SERPINF2: variants seen among roughly 807,000 people sequenced by gnomAD.
SERPINF2 encodes serpin family F member 2, also known as alpha-2-antiplasmin.
SERPINF2 carries 15 observed loss-of-function variants against 45.0 expected under a neutral mutation model. That is an observed-to-expected ratio of 0.33 (90% CI 0.22 to 0.51). The LOEUF is 0.51. Among genes scored for constraint, SERPINF2 ranks in the 20% least tolerant of loss-of-function variants. The pLI is 0.97. For synonymous variants in SERPINF2, 283 were observed against 277.9 expected (o/e 1.02, Z -0.18); for missense variants, 518 against 637.4 (o/e 0.81, Z 2.02).
Position 1,754,528 on chromosome 17 carries a change from C to T in SERPINF2, c.1470C>T (p.Pro490=), listed in dbSNP as rs1906687191. ...MEEDYPQFGS[P]K is the part of the protein sequence containing the mutation. ...AGGATTACCCCCAGTTTGGCAGCCC[C>T]AAGTGAGGGGCCGTGGCTGTGGCAT... The change falls in exon 10 of 10, where the codon CCC becomes CCT. Residue 490 remains proline (P), a synonymous_variant. Transcript: ENST00000453066. 1 of 1,608,714 alleles carries T rather than the reference C, an allele frequency of 6.2e-7. No individual in the cohort carries two copies. Among genetic ancestry groups the T allele is most frequent in the Non-Finnish European group, 8.5e-7 (1 of 1,179,330 alleles).
At chr17:1,748,828 TG>T in intron 8 of SERPINF2, 88 bp downstream of exon 8, 1 of 809,104 alleles carries the variant, frequency 1.2e-6, no homozygotes, top group South Asian at 1.3e-5. Context: ...CAGGGATGGG[TG>T]GAGGCTGTCT....
At chr17:1,743,114 G>T in intron 1 of SERPINF2, 1 of 983,492 alleles carries the variant, frequency 1.0e-6, no homozygotes, top group Non-Finnish European at 1.2e-6. Context: ...TCTTGTGTGG[G>T]ATGGGGGTGG....
At chr17:1,744,946 G>A (rs1316316129) in intron 1 of SERPINF2, 46 bp from the exon 2 acceptor site, 2 of 1,612,328 alleles carry the variant, frequency 1.2e-6, no homozygotes, top group East Asian at 4.5e-5. Flanking sequence ...TCCCTGGCGG[G>A]CGTGGGGATG....
intron 8 of SERPINF2, among the ~76,000 whole-genome samples, chr17:1,749,802 A>G (rs993772508): frequency 1.3e-5 from 2 of 152,028 alleles, no homozygotes; most frequent in African/African-American, 4.8e-5. Flanking sequence ...ACAAGGGCCC[A>G]TGGACTTTGG....
At chr17:1,750,130 C>T (rs929113979) in intron 8 of SERPINF2, among the ~76,000 whole-genome samples, 5 of 151,732 alleles carry the variant, frequency 3.3e-5, no homozygotes, top group Non-Finnish European at 7.4e-5. Flanking sequence ...TGCACCACCA[C>T]GCCTGGCTAA....
chr17:1,744,600 A>T (rs1212218985), intron 1 of SERPINF2: 1 of 985,328 alleles, frequency 1.0e-6, no homozygotes, highest in African/African-American at 1.7e-5. Context: ...GGTAAGGCCA[A>T]GCCTGGTGGA....
intron 8 of SERPINF2, among the ~76,000 whole-genome samples, chr17:1,751,967 C>T (rs952074515): frequency 2.9e-5 from 4 of 138,624 alleles, no homozygotes; most frequent in African/African-American, 7.4e-5. Flanking sequence ...CGCCGGGTCA[C>T]ACGGCCAGCT....
chr17:1,748,812 C>T, intron 8 of SERPINF2, 72 bp downstream of exon 8: 2 of 851,284 alleles, frequency 2.3e-6, no homozygotes, highest in East Asian at 4.8e-5. Flanking sequence ...GGCTGTGGAG[C>T]AGGCACAGGG....
At position 1,754,714 on chromosome 17, in the gene SERPINF2, A is replaced by G; in HGVS notation, c.*180A>G. 1 of 678,404 alleles carries G rather than the reference A, an allele frequency of 1.5e-6. No homozygotes were observed. The highest frequency in any genetic ancestry group is 2.0e-5 in the South Asian group (1 of 50,140). The allele number at this position is 678,404 out of a possible 1,614,324, so 42.0% of individuals were successfully genotyped here. The stretch of plus-strand genomic sequence containing the variant: ...GGGGGGGCGCGGCTGGGAGGAGGGC[A>G]GGCATCGGGGAGCCGGGAGCCTGAC... On this transcript the variant is annotated 3_prime_UTR_variant, in exon 10 of 10. Coordinates refer to ENST00000453066, the MANE Select transcript of SERPINF2 (RefSeq NM_000934.4).
intron 8 of SERPINF2, among the ~76,000 whole-genome samples, chr17:1,750,946 C>G (rs1906338378): frequency 6.6e-6 from 1 of 152,208 alleles, no homozygotes; most frequent in African/African-American, 2.4e-5. Flanking sequence ...CTTCCTTCAT[C>G]CTTCGTCTCC....
rs752464909 is a variant in SERPINF2, at chr17:1,745,037, C to T, written c.42C>T (p.Cys14=). 3.7e-6 allele frequency: 6 copies of T among 1,613,530 alleles called. No individual in the cohort carries two copies. In the East Asian group the frequency reaches 1.1e-4, roughly 30 times the overall value. ...LWGLLVLSWS[C]LQGPCSVFSP... is the part of the protein sequence containing the mutation. ...GGCTCCTGGTGCTCAGCTGGTCCTG[C>T]CTGCAAGGCCCCTGCTCCGTGGTGA... The change falls in exon 2 of 10, where the codon TGC becomes TGT. Residue 14 remains cysteine, a synonymous_variant. Transcript: ENST00000453066. This position sits in a 1 kb window ranked among gnomAD's most constrained non-coding sequence, Gnocchi z 6.2.
chr17:1,743,162 CCCAAGATGGGGGTGG>C, intron 1 of SERPINF2: 6 of 944,268 alleles, frequency 6.4e-6, no homozygotes, highest in Non-Finnish European at 7.6e-6. Context: ...AAGGGTTGGC[CCCAAGATGGGGGTGG>C]GCTGGAGGTA....
At chr17:1,743,168 A>G (rs1597317951) in intron 1 of SERPINF2, 3 of 881,688 alleles carry the variant, frequency 3.4e-6, no homozygotes, top group Non-Finnish European at 4.1e-6. Flanking sequence ...TGGCCCCAAG[A>G]TGGGGGTGGG....
rs544521553 is a variant in SERPINF2, at chr17:1,754,991, C to T, written c.*457C>T. 1.0e-4 allele frequency: 20 copies of T among 192,858 alleles called. No homozygotes were observed. The highest frequency in any genetic ancestry group is 1.5e-4 in the East Asian group (1 of 6,618). The allele number at this position is 192,858 out of a possible 1,614,324, so 11.9% of individuals were successfully genotyped here. ...GGAGGCGAAGCGTTGTCCTCAGCCC[C>T]GCGTGGAACTCGTGTCTGGCACAGC... On this transcript the variant is annotated 3_prime_UTR_variant, in exon 10 of 10. Coordinates refer to ENST00000453066, the MANE Select transcript of SERPINF2 (RefSeq NM_000934.4).
intron 8 of SERPINF2, among the ~76,000 whole-genome samples, chr17:1,750,167 G>C (rs1906247002): frequency 6.6e-6 from 1 of 151,864 alleles, no homozygotes; most frequent in Non-Finnish European, 1.5e-5. Context: ...GTTTGTTTTT[G>C]AGACGGAGTT....
In SERPINF2 at chr17:1,754,623, C is replaced by G; in HGVS notation, c.*89C>G. On this transcript the variant is annotated 3_prime_UTR_variant, in exon 10 of 10. Coordinates refer to ENST00000453066, the MANE Select transcript of SERPINF2 (RefSeq NM_000934.4). ...TCCAACCGGCTTTGTGGCACTGGGG[C>G]AGGGGCCGGGGGCAGTCTGAGAGAG... The G allele has an allele frequency of 1.4e-6, 2 of 1,436,106 alleles. No homozygotes were observed. Among genetic ancestry groups the G allele is most frequent in the Non-Finnish European group, 1.8e-6 (2 of 1,084,642 alleles). 89.0% of individuals were successfully genotyped at this position (1,436,106 alleles called of 1,614,324 possible).
At position 1,745,330 on chromosome 17, in the gene SERPINF2, C is replaced by T; in HGVS notation, c.103-3C>T. ...GTCTCCATCTGCTTGCTCCTTTCCGCAGCTAACTAGCGGGCCGAACCAGGA... is the reference window on the plus strand; with the variant it reads ...GTCTCCATCTGCTTGCTCCTTTCCGTAGCTAACTAGCGGGCCGAACCAGGA... On this transcript the variant is annotated splice_region_variant and splice_polypyrimidine_tract_variant and intron_variant, in intron 3 of 9. Coordinates refer to ENST00000453066, the MANE Select transcript of SERPINF2 (RefSeq NM_000934.4). This position sits in a 1 kb window ranked among gnomAD's most constrained non-coding sequence, Gnocchi z 6.2. 14 of 1,613,322 alleles carry T rather than the reference C, an allele frequency of 8.7e-6. No homozygotes were observed. Among genetic ancestry groups the T allele is most frequent in the Non-Finnish European group, 1.1e-5 (13 of 1,179,980 alleles).
chr17:1,751,716 T>A (rs1236841328), intron 8 of SERPINF2, among the ~76,000 whole-genome samples: 1 of 138,260 alleles, frequency 7.2e-6, no homozygotes, highest in African/African-American at 2.5e-5. Context: ...ATTGCGCCAC[T>A]GCACTCCAGC....
At chr17:1,744,533 T>C (rs1905614531) in intron 1 of SERPINF2, 8 of 984,828 alleles carry the variant, frequency 8.1e-6, no homozygotes, top group Non-Finnish European at 9.6e-6. Context: ...GACGGTCTTA[T>C]TTTGGTCCTC....
Sources: allele counts gnomAD v4.1 joint callset (sites outside exome capture counted in the v4.1 genomes callset), GRCh38; gene constraint gnomAD v4.1.1; non-coding constraint Gnocchi (gnomAD v3.1); transcripts MANE v1.5; gene names NCBI Gene and HGNC (gene_info 2026-07-23, HGNC 2026-07-21).